SLCO3A1: variants seen among roughly 807,000 people sequenced by gnomAD.
SLCO3A1 encodes PGE1 transporter.
In SLCO3A1, 27 loss-of-function variants were observed where a neutral mutation model predicts 63.1. The ratio of observed to expected loss-of-function variants is 0.43; its 90% confidence interval spans 0.32 to 0.59. SLCO3A1 has a LOEUF of 0.59. Among genes scored for constraint, SLCO3A1 ranks in the 20% least tolerant of loss-of-function variants. The pLI is 0.09. For missense variants in SLCO3A1, 773 were observed against 945.8 expected, an observed-to-expected ratio of 0.82 and a Z score of 2.40; for synonymous variants, 473 against 409.9, an observed-to-expected ratio of 1.15 and a Z score of -1.86.
rs895132956 is a variant in SLCO3A1 at position 91,897,380 on chromosome 15, G to C, written c.181-18613G>C. ...GCACGAGAATTGCTTGAACCCAGGA[G>C]GCAGAGGTTGCAGTGAGCCAAGATT... On this transcript the variant is annotated intron_variant, in intron 1 of 9. Transcript: ENST00000318445. The surrounding 1 kb of genome is among the most constrained non-coding windows in gnomAD (Gnocchi z 4.7). 2.6e-5 allele frequency among the ~76,000 whole-genome samples: 4 copies of C among 152,102 alleles called. No individual in the cohort carries two copies. Among genetic ancestry groups the C allele is most frequent in the Admixed American group, 1.3e-4 (2 of 15,276 alleles).
intron 2 of SLCO3A1, among the ~76,000 whole-genome samples, chr15:91,988,140 C>T (rs928703285): frequency 2.0e-5 from 3 of 152,068 alleles, no homozygotes; most frequent in South Asian, 2.1e-4. Context: ...CGGTGGTGCA[C>T]GCCTATAATT....
At chr15:92,008,159 T>C (rs937009187) in intron 2 of SLCO3A1, among the ~76,000 whole-genome samples, 4 of 152,154 alleles carry the variant, frequency 2.6e-5, no homozygotes, top group Non-Finnish European at 5.9e-5. Context: ...TTTTTCTTCC[T>C]GCAAACACAT....
intron 1 of SLCO3A1, among the ~76,000 whole-genome samples, chr15:91,867,355 A>C (rs567407905): frequency 6.6e-6 from 1 of 152,294 alleles, no homozygotes; most frequent in East Asian, 1.9e-4. Flanking sequence ...TGCTGTGCTC[A>C]CCAGTATGGG....
chr15:91,969,560 G>T (rs1900783556), intron 2 of SLCO3A1, among the ~76,000 whole-genome samples: 1 of 152,130 alleles, frequency 6.6e-6, no homozygotes, highest in African/African-American at 2.4e-5. Flanking sequence ...ACCCACCTTG[G>T]CCTCCCAAAG....
intron 1 of SLCO3A1, among the ~76,000 whole-genome samples, chr15:91,914,725 C>T (rs1219117249): frequency 6.6e-6 from 1 of 152,046 alleles, no homozygotes; most frequent in African/African-American, 2.4e-5. Flanking sequence ...GTATGCACCA[C>T]CACGCCTCGC....
chr15:91,880,958 G>C (rs1362295478), intron 1 of SLCO3A1, among the ~76,000 whole-genome samples: 1 of 152,166 alleles, frequency 6.6e-6, no homozygotes, highest in Non-Finnish European at 1.5e-5. Context: ...GAATTTGGTG[G>C]AGAGAGCAGA....
intron 7 of SLCO3A1, among the ~76,000 whole-genome samples, chr15:92,145,248 G>T (rs994961878): frequency 3.3e-5 from 5 of 152,228 alleles, no homozygotes; most frequent in Non-Finnish European, 5.9e-5. Context: ...GGAAATGCAG[G>T]TGGTGAGCTA....
chr15:92,097,008 C>T (rs190669120), intron 3 of SLCO3A1, among the ~76,000 whole-genome samples: 1 of 152,200 alleles, frequency 6.6e-6, no homozygotes, highest in Non-Finnish European at 1.5e-5. Flanking sequence ...ACCACTGCAC[C>T]CAAGGCAGCA....
At chr15:92,034,833 C>A (rs28538166) in intron 2 of SLCO3A1, among the ~76,000 whole-genome samples, 1 of 151,842 alleles carries the variant, frequency 6.6e-6, no homozygotes, top group Non-Finnish European at 1.5e-5. Flanking sequence ...GTGAAAATAA[C>A]GCTTCCATGT....
At chr15:91,956,664 AC>A (rs1900188354) in intron 2 of SLCO3A1, among the ~76,000 whole-genome samples, 1 of 150,406 alleles carries the variant, frequency 6.6e-6, no homozygotes, top group South Asian at 2.1e-4. Context: ...ACAGCCTAAA[AC>A]CCCCGACACC....
intron 2 of SLCO3A1, among the ~76,000 whole-genome samples, chr15:91,999,318 A>G (rs957204555): frequency 1.3e-5 from 2 of 152,246 alleles, no homozygotes; most frequent in Non-Finnish European, 2.9e-5. Context: ...AAAAATAAAA[A>G]GACACATATG....
At chr15:91,997,404 T>G (rs547974075) in intron 2 of SLCO3A1, among the ~76,000 whole-genome samples, 1 of 152,282 alleles carries the variant, frequency 6.6e-6, no homozygotes, top group South Asian at 2.1e-4. Context: ...ATTGGAAGAA[T>G]CAATATTGTT....
rs138699747 is a variant in SLCO3A1 at position 92,146,491 on chromosome 15, A to C, written c.1513-493A>C. On this transcript the variant is annotated intron_variant, in intron 7 of 9. Transcript: ENST00000318445. ...CCAGCCTTGCAGACGCGGTGACTTCACGCGTGACAGCGTGCAGCCTTTGTT... is the reference window on the plus strand; with the variant it reads ...CCAGCCTTGCAGACGCGGTGACTTCCCGCGTGACAGCGTGCAGCCTTTGTT... 3.9e-5 allele frequency among the ~76,000 whole-genome samples: 6 copies of C among 152,326 alleles called. No homozygotes were observed. In the East Asian group the frequency reaches 1.2e-3, roughly 29 times the overall value.
rs28647689 is a variant in SLCO3A1, at chr15:92,005,811, G to T, written c.647-89070G>T. Reference sequence around the variant, plus strand: ...GCCCAGTCACCTTCCCTTTTGTAGGGATGGCCTGTCTATGTGATAGAAAGT... The same window carrying T: ...GCCCAGTCACCTTCCCTTTTGTAGGTATGGCCTGTCTATGTGATAGAAAGT... On this transcript the variant is annotated intron_variant, in intron 2 of 9. Transcript: ENST00000318445. 3.6e-3 allele frequency among the ~76,000 whole-genome samples: 541 copies of T among 152,286 alleles called. 2 individuals carry two copies. Among genetic ancestry groups the T allele is most frequent in the African/African-American group, 0.012 (509 of 41,568 alleles).
chr15:92,114,184 AAT>A (rs140181303), intron 4 of SLCO3A1, among the ~76,000 whole-genome samples: 3,386 of 152,250 alleles, frequency 0.022, 58 homozygotes, highest in Non-Finnish European at 0.034. Context: ...CAAGGGTCTG[AAT>A]ATGTTTCCAC....
chr15:92,124,802 C>T (rs2047902133), intron 5 of SLCO3A1, among the ~76,000 whole-genome samples: 2 of 152,092 alleles, frequency 1.3e-5, no homozygotes, highest in Non-Finnish European at 2.9e-5. Context: ...GAGTAGGGGC[C>T]AGCCAAGTAA....
At chr15:92,037,851 G>A (rs1225596931) in intron 2 of SLCO3A1, among the ~76,000 whole-genome samples, 2 of 152,158 alleles carry the variant, frequency 1.3e-5, no homozygotes, top group Non-Finnish European at 2.9e-5. Context: ...GCTTAGTGGT[G>A]AGCATTCTGG....
At chr15:92,116,255 C>T (rs1567128501) in intron 4 of SLCO3A1, among the ~76,000 whole-genome samples, 3 of 152,178 alleles carry the variant, frequency 2.0e-5, no homozygotes, top group Non-Finnish European at 4.4e-5. Context: ...TTCATGACTC[C>T]TCCAAAATCT....
At chr15:91,876,553 C>T (rs1405828174) in intron 1 of SLCO3A1, among the ~76,000 whole-genome samples, 1 of 152,186 alleles carries the variant, frequency 6.6e-6, no homozygotes, top group Non-Finnish European at 1.5e-5. Flanking sequence ...ACAGGTATCT[C>T]CTATAATTAA....
Sources: allele counts gnomAD v4.1 joint callset (sites outside exome capture counted in the v4.1 genomes callset), GRCh38; gene constraint gnomAD v4.1.1; non-coding constraint Gnocchi (gnomAD v3.1); transcripts MANE v1.5; gene names NCBI Gene and HGNC (gene_info 2026-07-23, HGNC 2026-07-21).